The following CUX2 variants were observed in gnomAD, a reference collection of about 807,000 sequenced individuals.
CUX2 encodes cut like homeobox 2.
CUX2 carries 40 observed loss-of-function variants against 144.8 expected under a neutral mutation model. The ratio of observed to expected loss-of-function variants is 0.28; its 90% CI spans 0.21 to 0.36. The LOEUF is 0.36. CUX2 is among the 10% of genes least tolerant of loss of function. CUX2 has a pLI of 1.00. For synonymous variants in CUX2, 827 were observed against 875.6 expected (o/e 0.94, Z 0.98); for missense variants, 1,615 against 1,994.0 (o/e 0.81, Z 3.62).
intron 4 of CUX2, chr12:111,270,417 A>T (rs934999269): frequency 6.6e-6 from 1 of 152,194 alleles, no homozygotes; most frequent in African/African-American, 2.4e-5. Context: ...GAAAACCGTA[A>T]ATCTTTTGGA....
intron 1 of CUX2, among the ~76,000 whole-genome samples, chr12:111,167,731 G>T (rs1158331551): frequency 6.6e-6 from 1 of 152,042 alleles, no homozygotes; most frequent in African/African-American, 2.4e-5. Flanking sequence ...GTCTTGCTCT[G>T]TTGCCCAGGC....
chr12:111,055,129 G>T (rs1217827369), intron 1 of CUX2, among the ~76,000 whole-genome samples: 1 of 152,196 alleles, frequency 6.6e-6, no homozygotes, highest in Non-Finnish European at 1.5e-5. Context: ...ACATGTCCAG[G>T]TTCCCTCTTT....
At chr12:111,179,695 G>C (rs1287942356) in intron 1 of CUX2, among the ~76,000 whole-genome samples, 1 of 139,440 alleles carries the variant, frequency 7.2e-6, no homozygotes, top group Non-Finnish European at 1.5e-5. Flanking sequence ...TTTTTTTTTT[G>C]GTGTTGAGTC....
intron 3 of CUX2, among the ~76,000 whole-genome samples, chr12:111,253,566 T>C (rs1345693137): frequency 6.6e-6 from 1 of 152,190 alleles, no homozygotes; most frequent in Non-Finnish European, 1.5e-5. Flanking sequence ...CCACATTCTC[T>C]TTCATGATTT....
In CUX2 at chr12:111,334,682, G is replaced by A. The variant is rs993024352; in HGVS notation, c.3168G>A (p.Val1056=). 3 of 1,612,544 alleles carry A rather than the reference G, an allele frequency of 1.9e-6. No homozygotes were observed. The highest frequency in any genetic ancestry group is 3.3e-5 in the Admixed American group (2 of 59,866). ...ACACGTACTCCATCACCAAGAGGGT[G>A]AAGGAGGTCCTCACAGACAACAATC... The part of the protein sequence containing the change: ...ELDTYSITKR[V]KEVLTDNNLG... The change falls in exon 19 of 22, where the codon GTG becomes GTA. Residue 1056 remains valine (V), a synonymous_variant. Transcript: ENST00000261726.
At chr12:111,290,718 C>T (rs187119097) in intron 4 of CUX2, among the ~76,000 whole-genome samples, 45 of 152,250 alleles carry the variant, frequency 3.0e-4, no homozygotes, top group Non-Finnish European at 4.4e-4. Flanking sequence ...TAAGCCACTG[C>T]GCCCAGACTA....
At chr12:111,339,311 T>A (rs939609480) in intron 20 of CUX2, among the ~76,000 whole-genome samples, 5 of 151,952 alleles carry the variant, frequency 3.3e-5, no homozygotes, top group African/African-American at 1.2e-4. Flanking sequence ...TACACCAAAG[T>A]CTGTTGCCAG....
At chr12:111,213,927 A>C (rs777912059) in intron 1 of CUX2, among the ~76,000 whole-genome samples, 1 of 151,768 alleles carries the variant, frequency 6.6e-6, no homozygotes, top group Non-Finnish European at 1.5e-5. Flanking sequence ...TGGAAAAAAA[A>C]AACAACCAAC....
Position 111,322,344 on chromosome 12 carries a change from A to AAT in CUX2, c.2767-77_2767-76insAT. On this transcript the variant is annotated intron_variant, in intron 17 of 21. Coordinates refer to ENST00000261726, the MANE Select transcript of CUX2 (RefSeq NM_015267.4). The surrounding 1 kb of genome is among the most constrained non-coding windows in gnomAD (Gnocchi z 4.2). ...CTCAAAAAAAAAAAAAAAAAAAAAA[A>AAT]GGTTGGGGAGGAGAGTGAGGGCCAG... The AAT allele has an allele frequency of 2.0e-5, 21 of 1,050,776 alleles. No individual in the cohort carries two copies. The highest frequency in any genetic ancestry group is 3.3e-5 in the Admixed American group (1 of 30,470). The allele number at this position is 1,050,776 out of a possible 1,614,324, so 65.1% of individuals were successfully genotyped here.
chr12:111,184,016 T>C (rs1004279269), intron 1 of CUX2, among the ~76,000 whole-genome samples: 9 of 152,104 alleles, frequency 5.9e-5, no homozygotes, highest in Non-Finnish European at 1.2e-4. Flanking sequence ...CCTTTTCCCT[T>C]TTACATCCTC....
intron 3 of CUX2, among the ~76,000 whole-genome samples, chr12:111,261,605 A>G (rs1884131747): frequency 6.6e-6 from 1 of 152,180 alleles, no homozygotes; most frequent in Admixed American, 6.5e-5. Context: ...GCAAGGACAA[A>G]AATCTACCCA....
intron 3 of CUX2, among the ~76,000 whole-genome samples, chr12:111,234,780 G>A (rs1303925565): frequency 2.7e-5 from 4 of 150,066 alleles, no homozygotes; most frequent in Non-Finnish European, 5.9e-5. Flanking sequence ...GTGCAGTGGC[G>A]TGATCTCAGC....
intron 1 of CUX2, among the ~76,000 whole-genome samples, chr12:111,046,798 A>C (rs1870014789): frequency 6.6e-6 from 1 of 152,138 alleles, no homozygotes; most frequent in Non-Finnish European, 1.5e-5. Context: ...CTGGGATTAC[A>C]AGCGTGTGCC....
chr12:111,334,808 C>A, intron 19 of CUX2, 98 bp downstream of exon 19: 1 of 1,335,264 alleles, frequency 7.5e-7, no homozygotes, highest in Non-Finnish European at 1.0e-6. Flanking sequence ...GTGGCTCATA[C>A]CTGTAATTCC....
intron 1 of CUX2, among the ~76,000 whole-genome samples, chr12:111,062,186 G>A (rs78215625): frequency 0.01 from 1,538 of 152,266 alleles, 27 homozygotes; most frequent in African/African-American, 0.036. Flanking sequence ...TTCCCATGTA[G>A]GTACTTTTCT....
intron 1 of CUX2, among the ~76,000 whole-genome samples, chr12:111,115,895 A>G (rs762276180): frequency 6.6e-6 from 1 of 152,242 alleles, no homozygotes; most frequent in Non-Finnish European, 1.5e-5. Flanking sequence ...TAAGTTGTCA[A>G]TGAAGATTTA....
In CUX2 at chr12:111,077,377, G is replaced by T. The variant is rs1466279272; in HGVS notation, c.63+43137G>T. The stretch of plus-strand genomic sequence containing the variant: ...AGTGTCTTGAACCCTAGCCTCTGGG[G>T]ACTGGCGCGGCCATGCCATCGACCT... On this transcript the variant is annotated intron_variant, in intron 1 of 21. Coordinates refer to ENST00000261726, the MANE Select transcript of CUX2 (RefSeq NM_015267.4). The surrounding 1 kb of genome is among the most constrained non-coding windows in gnomAD (Gnocchi z 4.1). Among the ~76,000 whole-genome samples the T allele has an allele frequency of 6.6e-6, 1 of 152,124 alleles. No individual in the cohort carries two copies. Among genetic ancestry groups the T allele is most frequent in the Non-Finnish European group, 1.5e-5 (1 of 68,046 alleles).
chr12:111,308,187 C>A, intron 12 of CUX2, 98 bp from the exon 13 acceptor site: 3 of 1,318,956 alleles, frequency 2.3e-6, no homozygotes, highest in South Asian at 2.4e-5. Context: ...ATGGAGCAGT[C>A]ATTGTCAGGG....
chr12:111,311,718 C>G (rs191402928), intron 15 of CUX2, among the ~76,000 whole-genome samples: 3 of 151,970 alleles, frequency 2.0e-5, no homozygotes, highest in Non-Finnish European at 4.4e-5. Flanking sequence ...CCTGCCTCAG[C>G]CTCCTGAGTA....
Sources: gnomAD v4.1 joint callset for allele counts (sites outside exome capture counted in the v4.1 genomes callset) on GRCh38, gnomAD v4.1.1 for gene constraint, Gnocchi (gnomAD v3.1) non-coding constraint, MANE v1.5 for transcripts, NCBI Gene and HGNC (gene_info 2026-07-23, HGNC 2026-07-21) for gene names.